USP13: variants seen among roughly 807,000 people sequenced by gnomAD.
USP13 encodes the protein ubiquitin specific peptidase 13, also known as ubiquitin carboxyl-terminal hydrolase 13.
USP13 carries 68 observed loss-of-function variants against 107.8 expected under a neutral mutation model. The observed-to-expected ratio is 0.63, with a 90% CI of 0.52 to 0.77. USP13 has a LOEUF of 0.77. Ranked by LOEUF, USP13 falls within the 30% of genes least tolerant of loss-of-function variation. The pLI is 0.00. For synonymous variants in USP13, 377 were observed against 389.5 expected (o/e 0.97, Z 0.38); for missense variants, 945 against 1,093.3 (o/e 0.86, Z 1.91).
intron 16 of USP13, among the ~76,000 whole-genome samples, chr3:179,760,146 A>C (rs1714951140): frequency 6.6e-6 from 1 of 152,178 alleles, no homozygotes; most frequent in Admixed American, 6.5e-5. Context: ...ATTTGAGAAC[A>C]GTGTGTATGT....
At chr3:179,663,276 A>G (rs901908520) in intron 1 of USP13, among the ~76,000 whole-genome samples, 7 of 152,216 alleles carry the variant, frequency 4.6e-5, no homozygotes, top group Non-Finnish European at 1.0e-4. Flanking sequence ...TTCACTTGGC[A>G]TAATGTCCTC....
At chr3:179,768,707 T>G (rs535820536) in intron 19 of USP13, among the ~76,000 whole-genome samples, 2 of 152,314 alleles carry the variant, frequency 1.3e-5, no homozygotes, top group Non-Finnish European at 2.9e-5. Flanking sequence ...AATAACTGAT[T>G]GAATGAAGAA....
At chr3:179,756,897 G>A (rs1186184947) in intron 15 of USP13, among the ~76,000 whole-genome samples, 155 bp from the exon 16 acceptor site, 2 of 152,154 alleles carry the variant, frequency 1.3e-5, no homozygotes, top group Admixed American at 1.3e-4. Flanking sequence ...TACTGAGGCT[G>A]GGGTGGTCTG....
intron 10 of USP13, among the ~76,000 whole-genome samples, chr3:179,733,321 G>A (rs1168719490): frequency 1.3e-5 from 2 of 152,146 alleles, no homozygotes; most frequent in Admixed American, 6.6e-5. Flanking sequence ...GTCCAGCATC[G>A]GTAATATTTC....
Position 179,668,440 on chromosome 3 carries a change from A to G in USP13, c.169-13438A>G, listed in dbSNP as rs16830685. The stretch of plus-strand genomic sequence containing the variant: ...AGTTTATGTGAACACATTTACTTCA[A>G]TGGATCTGCTGTTGAAACCAAGATT... On this transcript the variant is annotated intron_variant, in intron 1 of 20. Transcript: ENST00000263966. Among the ~76,000 whole-genome samples the G allele has an allele frequency of 2.3e-3, 355 of 152,298 alleles. 1 individual carries two copies. Among genetic ancestry groups the G allele is most frequent in the African/African-American group, 8.3e-3 (344 of 41,570 alleles).
intron 16 of USP13, 122 bp from the exon 17 acceptor site, chr3:179,760,990 T>G (rs1223263697): frequency 4.9e-6 from 6 of 1,227,594 alleles, no homozygotes; most frequent in Non-Finnish European, 6.8e-6. Flanking sequence ...GTAAAACCAT[T>G]ATCTACACCC....
At chr3:179,730,879 G>A (rs911027767) in intron 10 of USP13, among the ~76,000 whole-genome samples, 170 bp downstream of exon 10, 3 of 152,160 alleles carry the variant, frequency 2.0e-5, no homozygotes, top group Non-Finnish European at 2.9e-5. Context: ...ATTGTGACAA[G>A]GAATAGCCAG....
At chr3:179,669,078 T>C (rs1267857635) in intron 1 of USP13, among the ~76,000 whole-genome samples, 3 of 152,132 alleles carry the variant, frequency 2.0e-5, no homozygotes, top group Non-Finnish European at 2.9e-5. Flanking sequence ...CAGTAATGAA[T>C]CAGAACCATT....
chr3:179,670,963 C>G (rs1336356280), intron 1 of USP13, among the ~76,000 whole-genome samples: 1 of 152,108 alleles, frequency 6.6e-6, no homozygotes, highest in Non-Finnish European at 1.5e-5. Context: ...TCACAAAGTG[C>G]TGGGATTACA....
At chr3:179,763,965 A>G in intron 17 of USP13, 37 bp from the exon 18 acceptor site, 1 of 1,544,858 alleles carries the variant, frequency 6.5e-7, no homozygotes, top group Non-Finnish European at 8.7e-7. Context: ...AAAAAAAAAA[A>G]AAAAGGAAAA....
intron 8 of USP13, among the ~76,000 whole-genome samples, chr3:179,728,649 G>A (rs1201548668): frequency 6.6e-6 from 1 of 152,126 alleles, no homozygotes; most frequent in Non-Finnish European, 1.5e-5. Flanking sequence ...GGTGGATGTT[G>A]TAGCGAGCCG....
At chr3:179,667,454 G>C (rs1720619744) in intron 1 of USP13, among the ~76,000 whole-genome samples, 1 of 152,168 alleles carries the variant, frequency 6.6e-6, no homozygotes, top group Admixed American at 6.5e-5. Context: ...TGACAAGGTG[G>C]TTTCACATTT....
chr3:179,731,210 A>G (rs866862053), intron 10 of USP13, among the ~76,000 whole-genome samples: 20 of 152,306 alleles, frequency 1.3e-4, no homozygotes, highest in Middle Eastern at 3.4e-3. Flanking sequence ...TGGGAGTTCG[A>G]GACCAGCCTG....
chr3:179,764,861 C>G (rs1250290729), intron 18 of USP13, among the ~76,000 whole-genome samples: 1 of 152,124 alleles, frequency 6.6e-6, no homozygotes, highest in African/African-American at 2.4e-5. Flanking sequence ...TGATGGGGTG[C>G]CTGCTAGGAT....
At position 179,681,973 on chromosome 3, in the gene USP13, A is replaced by T. The variant is rs760177841; in HGVS notation, c.264A>T (p.Val88=). Residue 88 remains valine (V), a synonymous_variant, in exon 2 of 21, where the codon GTA becomes GTT. Transcript: ENST00000263966. ...ERHFRKTGQS[V]YMHLKRHVRE... ...ATTTTCGAAAAACTGGACAGAGTGT[A>T]TACATGCACCTGAAAAGACATGTGC... 1.9e-6 allele frequency: 3 copies of T among 1,613,980 alleles called. No homozygotes were observed. In the Admixed American group the frequency reaches 5.0e-5, roughly 27 times the overall value.
At chr3:179,668,876 A>C (rs1720661330) in intron 1 of USP13, among the ~76,000 whole-genome samples, 2 of 152,090 alleles carry the variant, frequency 1.3e-5, no homozygotes, top group Admixed American at 1.3e-4. Flanking sequence ...TGGGTGCTTA[A>C]TTTTTGCATT....
At chr3:179,748,869 C>T (rs1256504747) in intron 13 of USP13, among the ~76,000 whole-genome samples, 1 of 152,176 alleles carries the variant, frequency 6.6e-6, no homozygotes, top group African/African-American at 2.4e-5. Flanking sequence ...CTGCCATAAG[C>T]CCAGCTTCCC....
intron 8 of USP13, among the ~76,000 whole-genome samples, chr3:179,728,682 C>G (rs1481592827): frequency 6.6e-6 from 1 of 152,276 alleles, no homozygotes; most frequent in South Asian, 2.1e-4. Flanking sequence ...TGCACTCCAG[C>G]CTGGGCACCA....
intron 8 of USP13, among the ~76,000 whole-genome samples, chr3:179,722,912 C>T (rs904807842): frequency 2.0e-5 from 3 of 152,124 alleles, no homozygotes; most frequent in Admixed American, 6.5e-5. Flanking sequence ...CCTCCTACAC[C>T]GAGGGGGACA....
Sources: gnomAD v4.1 joint callset for allele counts (sites outside exome capture counted in the v4.1 genomes callset) on GRCh38, gnomAD v4.1.1 for gene constraint, MANE v1.5 for transcripts, NCBI Gene and HGNC (gene_info 2026-07-23, HGNC 2026-07-21) for gene names.